Variants in NAV2 observed in about 807,000 individuals in gnomAD.
NAV2 encodes the protein neuron navigator 2, also known as helicase, APC down-regulated 1.
Under a neutral mutation model 223.2 loss-of-function variants are expected in NAV2, and 54 were observed. That is an observed-to-expected ratio of 0.24 (90% CI 0.19 to 0.30). The LOEUF (loss-of-function observed/expected upper bound fraction) is 0.30. NAV2 is among the 10% of genes least tolerant of loss of function. The pLI is 1.00. For synonymous variants in NAV2, 1,279 were observed against 1,239.3 expected, an observed-to-expected ratio of 1.03 and a Z score of -0.67; for missense variants, 2,806 against 3,147.5, an observed-to-expected ratio of 0.89 and a Z score of 2.60.
chr11:19,520,851 C>T (rs1294383389), intron 1 of NAV2, among the ~76,000 whole-genome samples: 2 of 152,118 alleles, frequency 1.3e-5, no homozygotes, highest in Admixed American at 1.3e-4. Context: ...GGGCGTGGGC[C>T]TTGGGAGAGC....
chr11:19,901,087 T>G (rs1185081966), intron 6 of NAV2, among the ~76,000 whole-genome samples: 2 of 152,234 alleles, frequency 1.3e-5, no homozygotes, highest in Non-Finnish European at 2.9e-5. Context: ...CATCATCCCT[T>G]GAGGTAATTG....
chr11:19,466,984 T>TACACACACACACACAC (rs3042688), intron 1 of NAV2, among the ~76,000 whole-genome samples: 2,228 of 124,698 alleles, frequency 0.018, 22 homozygotes, highest in Non-Finnish European at 0.025. Flanking sequence ...TCTCTCTCTC[T>TACACACACACACACAC]ACACACACAC....
intron 10 of NAV2, among the ~76,000 whole-genome samples, chr11:19,966,604 A>G (rs1425328611): frequency 1.3e-5 from 2 of 152,138 alleles, no homozygotes; most frequent in Non-Finnish European, 2.9e-5. Context: ...ATGCTCTTGT[A>G]ACTGAGCCTT....
At chr11:19,418,259 G>A (rs1850463802) in intron 1 of NAV2, among the ~76,000 whole-genome samples, 1 of 152,194 alleles carries the variant, frequency 6.6e-6, no homozygotes, top group Non-Finnish European at 1.5e-5. Context: ...CAGGCTGAAT[G>A]ATAGGGGCTG....
chr11:19,842,164 C>G (rs564268450), intron 2 of NAV2, among the ~76,000 whole-genome samples: 4 of 152,174 alleles, frequency 2.6e-5, no homozygotes, highest in South Asian at 2.1e-4. Context: ...TCCATACTTA[C>G]GATGAACTGC....
At position 19,657,772 on chromosome 11, in the gene NAV2, A is replaced by G. The variant is rs1438404218; in HGVS notation, c.76-174712A>G. On this transcript the variant is annotated intron_variant, in intron 1 of 37. Transcript: ENST00000360655. ...GAAAGTGAGTCAGGGAGGCATGAAG[A>G]AGAGCTCAGTCTTGAGAGGATGAGA... Among the ~76,000 whole-genome samples, 4 of 152,148 alleles carry G rather than the reference A, an allele frequency of 2.6e-5. No individual in the cohort carries two copies. In the East Asian group the frequency reaches 5.8e-4, roughly 22 times the overall value.
intron 1 of NAV2, among the ~76,000 whole-genome samples, chr11:19,718,784 C>T (rs985899307): frequency 4.0e-5 from 6 of 151,344 alleles, no homozygotes; most frequent in Admixed American, 6.6e-5. Context: ...TTCAGGGTAA[C>T]ATTACATGTG....
At chr11:20,079,186 G>A (rs1373793619) in intron 24 of NAV2, among the ~76,000 whole-genome samples, 3 of 152,142 alleles carry the variant, frequency 2.0e-5, no homozygotes, top group South Asian at 2.1e-4. Flanking sequence ...GACTACAGGC[G>A]CATGCGAACA....
intron 1 of NAV2, among the ~76,000 whole-genome samples, chr11:19,723,755 C>T (rs1057413027): frequency 6.6e-6 from 1 of 152,254 alleles, no homozygotes; most frequent in Non-Finnish European, 1.5e-5. Context: ...GCCGGCCCAG[C>T]AGGGTCCATG....
Position 20,101,029 on chromosome 11 carries a change from C to T in NAV2, c.6274C>T (p.Arg2092Cys), listed in dbSNP as rs1302689778. 15 of 1,613,996 alleles carry T rather than the reference C, an allele frequency of 9.3e-6. No individual in the cohort carries two copies. Among genetic ancestry groups the T allele is most frequent in the African/African-American group, 2.7e-5 (2 of 74,892 alleles). Residue 2092 changes from arginine (R) to cysteine (C), a missense_variant, in exon 32 of 38, where the codon CGT (arginine) becomes TGT (cysteine). This residue lies in a region of NAV2 where 824 missense variants were observed against 1,069.4 expected (regional missense o/e 0.77). Transcript: ENST00000349880. ...QRYVSLLIEHRRIILSGPSGT... is the reference protein window; with the variant it reads ...QRYVSLLIEHCRIILSGPSGT... ...CTACGTCTCCCTCCTGATAGAGCAC[C>T]GTCGGATCATTCTCTCTGGCCCCAG...
intron 2 of NAV2, among the ~76,000 whole-genome samples, chr11:19,835,118 T>C (rs1222220295): frequency 1.3e-5 from 2 of 152,198 alleles, no homozygotes; most frequent in Non-Finnish European, 2.9e-5. Context: ...GTTAGCAGTT[T>C]TATCATTGCT....
At chr11:20,097,367 C>T (rs1398346152) in intron 30 of NAV2, among the ~76,000 whole-genome samples, 4 of 152,104 alleles carry the variant, frequency 2.6e-5, no homozygotes, top group Non-Finnish European at 5.9e-5. Flanking sequence ...CCACTGCTAA[C>T]CAAATAAATC....
intron 1 of NAV2, among the ~76,000 whole-genome samples, chr11:19,553,135 G>A (rs148108438): frequency 2.7e-4 from 41 of 152,282 alleles, no homozygotes; most frequent in African/African-American, 7.9e-4. Context: ...TGCAAGAGCC[G>A]GGCTCAGAAG....
At chr11:19,760,843 C>G (rs1363815541) in intron 1 of NAV2, among the ~76,000 whole-genome samples, 1 of 152,176 alleles carries the variant, frequency 6.6e-6, no homozygotes, top group Non-Finnish European at 1.5e-5. Context: ...ATCAGCAGCA[C>G]AAGCAATATT....
chr11:20,043,883 C>T (rs2057191331), intron 12 of NAV2, 98 bp from the exon 13 acceptor site: 4 of 1,082,886 alleles, frequency 3.7e-6, no homozygotes, highest in South Asian at 1.5e-5. Flanking sequence ...TTATTTTTCC[C>T]TTAACTACTC....
rs149527756 is a variant in NAV2 at position 20,097,581 on chromosome 11, A to G, written c.6017A>G (p.Tyr2006Cys). The G allele has an allele frequency of 3.1e-6, 5 of 1,587,368 alleles. No homozygotes were observed. Among genetic ancestry groups the G allele is most frequent in the Admixed American group, 3.8e-5 (2 of 52,132 alleles). Residue 2006 changes from tyrosine (Y) to cysteine (C), a missense_variant, in exon 31 of 38, where the codon TAC (tyrosine) becomes TGC (cysteine). Coordinates refer to ENST00000349880, the MANE Select transcript of NAV2 (RefSeq NM_145117.5). ...DGVVRRLFKE[Y>C]IIHVDPVSQL... The stretch of plus-strand genomic sequence containing the variant: ...TTTATTTTTTATTTTTTCCAGGAAT[A>G]CATCATTCATGTCGACCCAGTGAGT...
chr11:19,859,294 G>A lies in NAV2; in HGVS notation c.439-9631G>A, dbSNP rs996569224. On this transcript the variant is annotated intron_variant, in intron 3 of 37. Coordinates refer to ENST00000349880, the MANE Select transcript of NAV2 (RefSeq NM_145117.5). Reference sequence around the variant, plus strand: ...TAGGCAGAGGACCCTGCGGCCTTCCGCAGTGTTTGTGTCCCTGGGTACTTG... The same window carrying A: ...TAGGCAGAGGACCCTGCGGCCTTCCACAGTGTTTGTGTCCCTGGGTACTTG... Among the ~76,000 whole-genome samples, 929 of 149,738 alleles carry A rather than the reference G, an allele frequency of 6.2e-3. 11 individuals are homozygous for A. The highest frequency in any genetic ancestry group is 0.022 in the African/African-American group (893 of 40,738).
Position 20,080,078 on chromosome 11 carries a change from C to T in NAV2, c.5194C>T (p.Gln1732Ter). 1 of 1,613,844 alleles carries T rather than the reference C, an allele frequency of 6.2e-7. No individual in the cohort carries two copies. The highest frequency in any genetic ancestry group is 8.5e-7 in the Non-Finnish European group (1 of 1,179,996). ...ELNCKGNGTA[Q>*]SADLRIRRQH... is the part of the protein sequence containing the mutation. ...TTGGTCTCCAGGAAACGGCACTGCCCAGTCTGCAGACCTCCGCATCCGCAG... is the reference window on the plus strand; with the variant it reads ...TTGGTCTCCAGGAAACGGCACTGCCTAGTCTGCAGACCTCCGCATCCGCAG... The change falls in exon 25 of 38, where the codon CAG becomes TAG. Residue 1732 changes from glutamine (Q) to a stop codon, truncating the protein, a stop_gained. Transcript: ENST00000349880. LOFTEE classifies it high-confidence loss of function.
At chr11:19,906,598 T>C (rs2042881076) in intron 6 of NAV2, among the ~76,000 whole-genome samples, 1 of 152,234 alleles carries the variant, frequency 6.6e-6, no homozygotes, top group African/African-American at 2.4e-5. Flanking sequence ...TAAGACATAC[T>C]TGCAGTTTCC....
Sources: allele counts gnomAD v4.1 joint callset (sites outside exome capture counted in the v4.1 genomes callset), GRCh38; gene constraint gnomAD v4.1.1; regional missense constraint gnomAD v4.1.1; transcripts MANE v1.5; gene names NCBI Gene and HGNC (gene_info 2026-07-23, HGNC 2026-07-21).